Variants in SLC13A3 observed in about 807,000 individuals in gnomAD.
SLC13A3 encodes the protein solute carrier family 13 member 3.
In SLC13A3, 40 loss-of-function variants were observed where a neutral mutation model predicts 59.0. That is an observed-to-expected ratio of 0.68 (90% CI 0.53 to 0.88). The LOEUF (loss-of-function observed/expected upper bound fraction) is 0.88. Among genes scored for constraint, SLC13A3 ranks in the 40% least tolerant of loss-of-function variants. The pLI, the probability that SLC13A3 is intolerant of heterozygous loss-of-function variation, is 0.00. For synonymous variants in SLC13A3, 317 were observed against 330.3 expected, an observed-to-expected ratio of 0.96 and a Z score of 0.44; for missense variants, 699 against 783.2, an observed-to-expected ratio of 0.89 and a Z score of 1.28.
chr20:46,574,631 T>C (rs945973680), intron 10 of SLC13A3, among the ~76,000 whole-genome samples: 29 of 152,138 alleles, frequency 1.9e-4, no homozygotes, highest in African/African-American at 6.0e-4. Context: ...CTAGGACTTA[T>C]ATGAGAGTGG....
chr20:46,572,109 G>A (rs947963536), intron 10 of SLC13A3, among the ~76,000 whole-genome samples: 1 of 152,166 alleles, frequency 6.6e-6, no homozygotes, highest in Non-Finnish European at 1.5e-5. Flanking sequence ...GCTTAAGTGA[G>A]TTGCTGAGGC....
chr20:46,618,138 A>T (rs987044390), intron 1 of SLC13A3, among the ~76,000 whole-genome samples: 1 of 150,370 alleles, frequency 6.7e-6, no homozygotes, highest in Non-Finnish European at 1.5e-5. Context: ...AGACCCCTAG[A>T]CTGTAGTCCA....
At position 46,596,137 on chromosome 20, in the gene SLC13A3, G is replaced by A. The variant is rs764869624; in HGVS notation, c.794+20C>T. 9 of 1,609,276 alleles carry A rather than the reference G, an allele frequency of 5.6e-6. No individual in the cohort carries two copies. Among genetic ancestry groups the A allele is most frequent in the African/African-American group, 1.3e-5 (1 of 74,904 alleles). Reference sequence around the variant, plus strand: ...GGGAGGAGCAGAACCCTCCCCGCCGGTGGGGACTCTCGCTTTCACCTCTTG... The same window carrying A: ...GGGAGGAGCAGAACCCTCCCCGCCGATGGGGACTCTCGCTTTCACCTCTTG... On this transcript the variant is annotated intron_variant, in intron 5 of 12. Coordinates refer to ENST00000279027, the MANE Select transcript of SLC13A3 (RefSeq NM_022829.6).
intron 9 of SLC13A3, among the ~76,000 whole-genome samples, chr20:46,580,470 T>C (rs993817854): frequency 1.3e-5 from 2 of 148,156 alleles, no homozygotes; most frequent in African/African-American, 4.9e-5. Context: ...ATATATAAAA[T>C]AGATTATATA....
At chr20:46,587,970 C>A (rs1406681961) in intron 8 of SLC13A3, 89 bp downstream of exon 8, 1 of 626,546 alleles carries the variant, frequency 1.6e-6, no homozygotes. Flanking sequence ...GCGTGTCTCC[C>A]CAGCTGCACT....
rs1029974730 is a variant in SLC13A3 at position 46,585,928 on chromosome 20, A to C, written c.1121+2131T>G. On this transcript the variant is annotated intron_variant, in intron 8 of 12. Transcript: ENST00000279027. ...AGAAGGTGAGATATCTGGATTGTGC[A>C]CTGCCCAGTATGGTAGCCACAAGCC... Among the ~76,000 whole-genome samples the C allele has an allele frequency of 1.3e-5, 2 of 152,322 alleles. 1 individual carries two copies. The highest frequency in any genetic ancestry group is 6.8e-3 in the Middle Eastern group (2 of 294).
intron 4 of SLC13A3, among the ~76,000 whole-genome samples, chr20:46,598,316 A>C (rs899183857): frequency 4.6e-5 from 7 of 152,316 alleles, no homozygotes; most frequent in South Asian, 4.1e-4. Flanking sequence ...TAGGAGTGGC[A>C]GGCCTGGTCC....
chr20:46,587,492 A>G (rs78298864), intron 8 of SLC13A3, among the ~76,000 whole-genome samples: 4,047 of 152,212 alleles, frequency 0.027, 72 homozygotes, highest in Non-Finnish European at 0.039. Flanking sequence ...CATTTTCTCA[A>G]ACATGCTACG....
chr20:46,653,429 C>T (rs745460205), upstream of SLC13A3, among the ~76,000 whole-genome samples: 4 of 152,212 alleles, frequency 2.6e-5, no homozygotes, highest in Non-Finnish European at 4.4e-5. Context: ...GCCAGTAAAG[C>T]CCCTTCCTCA....
upstream of SLC13A3, chr20:46,651,583 C>G (rs778976326): frequency 3.0e-5 from 38 of 1,286,578 alleles, no homozygotes; most frequent in Non-Finnish European, 1.6e-5. Flanking sequence ...CCCCTGGGAC[C>G]GGGTGAAAGA....
intron 1 of SLC13A3, among the ~76,000 whole-genome samples, chr20:46,630,970 A>G (rs2062730365): frequency 6.6e-6 from 1 of 152,232 alleles, no homozygotes; most frequent in South Asian, 2.1e-4. Context: ...AGTGATTGAT[A>G]CATACAGTAG....
At chr20:46,668,051 T>A (rs2063071150) in intron 1 of SLC13A3, among the ~76,000 whole-genome samples, 1 of 152,132 alleles carries the variant, frequency 6.6e-6, no homozygotes, top group Admixed American at 6.6e-5. Context: ...TATTCCCCAA[T>A]CTCTCTCCCT....
At position 46,630,103 on chromosome 20, in the gene SLC13A3, C is replaced by T. The variant is rs377646505; in HGVS notation, c.112-16378G>A. Among the ~76,000 whole-genome samples, 11 of 152,272 alleles carry T rather than the reference C, an allele frequency of 7.2e-5. No homozygotes were observed. The South Asian group carries it at 1.2e-3, about 17-fold the overall frequency. On this transcript the variant is annotated intron_variant, in intron 1 of 12. Transcript: ENST00000279027. ...AGAATGCTTTCTCATCAACATGGAC[C>T]CAGAACATGCCTCTCCTCTAAGCAA...
At chr20:46,594,537 G>A (rs1488684854) in intron 5 of SLC13A3, among the ~76,000 whole-genome samples, 4 of 152,048 alleles carry the variant, frequency 2.6e-5, no homozygotes, top group Admixed American at 1.3e-4. Flanking sequence ...CTTCCCCCTT[G>A]GCAGAACGCT....
intron 7 of SLC13A3, 99 bp downstream of exon 7, chr20:46,589,061 C>T (rs1047350170): frequency 9.8e-6 from 10 of 1,022,722 alleles, no homozygotes; most frequent in African/African-American, 4.8e-5. Context: ...TGGAATTCCC[C>T]TGGAGCTCAG....
intron 1 of SLC13A3, among the ~76,000 whole-genome samples, chr20:46,614,377 G>A (rs2062534460): frequency 6.6e-6 from 1 of 152,204 alleles, no homozygotes; most frequent in Non-Finnish European, 1.5e-5. Flanking sequence ...CTGATACTGG[G>A]AGCATTAACT....
At chr20:46,583,283 G>A in intron 9 of SLC13A3, 1 of 740,526 alleles carries the variant, frequency 1.4e-6, no homozygotes, top group Non-Finnish European at 1.7e-6. Flanking sequence ...TTTTCTTTTG[G>A]TTTTTTTTTC....
At chr20:46,570,382 T>C (rs58835192) in intron 10 of SLC13A3, among the ~76,000 whole-genome samples, 2,028 of 152,350 alleles carry the variant, frequency 0.013, 48 homozygotes, top group African/African-American at 0.045. Flanking sequence ...AGTGGAGTTA[T>C]GTCTCAATAA....
At chr20:46,632,901 A>C (rs1404855815) in intron 1 of SLC13A3, among the ~76,000 whole-genome samples, 1 of 936 alleles carries the variant, frequency 1.1e-3, no homozygotes, top group African/African-American at 4.5e-3. Flanking sequence ...AGATAGATAG[A>C]TAGATAGATA....
Sources: allele counts gnomAD v4.1 joint callset (sites outside exome capture counted in the v4.1 genomes callset), GRCh38; gene constraint gnomAD v4.1.1; transcripts MANE v1.5; gene names NCBI Gene and HGNC (gene_info 2026-07-23, HGNC 2026-07-21).